The following WWOX variants were observed in gnomAD, a reference collection of about 807,000 sequenced individuals.
WWOX encodes the protein WW domain-containing oxidoreductase.
In WWOX, 69 loss-of-function variants were observed where a neutral mutation model predicts 46.2. The ratio of observed to expected loss-of-function variants is 1.49; its 90% CI spans 1.23 to 1.82. The LOEUF (loss-of-function observed/expected upper bound fraction) is 1.82, where lower values mean the gene tolerates loss of function less well. Among genes scored for constraint, WWOX ranks in the 40% most tolerant of loss-of-function variants. The pLI is 0.00. For synonymous variants in WWOX, 359 were observed against 202.6 expected (o/e 1.77, Z -6.56); for missense variants, 919 against 542.6 (o/e 1.69, Z -6.89).
chr16:78,239,702 T>G (rs1049348446), intron 5 of WWOX, among the ~76,000 whole-genome samples: 1 of 151,932 alleles, frequency 6.6e-6, no homozygotes, highest in African/African-American at 2.4e-5. Context: ...GTCTGGCTAG[T>G]TTTTGTATTT....
chr16:78,312,040 C>T (rs2080255076), intron 5 of WWOX, among the ~76,000 whole-genome samples: 1 of 152,114 alleles, frequency 6.6e-6, no homozygotes, highest in African/African-American at 2.4e-5. Flanking sequence ...GGTCACCTTC[C>T]AGCCAGCAAC....
intron 5 of WWOX, among the ~76,000 whole-genome samples, chr16:78,380,298 G>A (rs572869126): frequency 1.2e-4 from 19 of 152,278 alleles, no homozygotes; most frequent in East Asian, 5.8e-4. Context: ...GAAATCTTGC[G>A]TTGGGCTGAA....
intron 5 of WWOX, among the ~76,000 whole-genome samples, chr16:78,177,165 C>G (rs1351020461): frequency 6.6e-6 from 1 of 152,132 alleles, no homozygotes; most frequent in Non-Finnish European, 1.5e-5. Context: ...TATAAAAGGG[C>G]GGGTACACAT....
chr16:78,585,275 C>T (rs992253532), intron 8 of WWOX, among the ~76,000 whole-genome samples: 3 of 152,190 alleles, frequency 2.0e-5, no homozygotes, highest in Non-Finnish European at 2.9e-5. Flanking sequence ...CAAGAGAAGA[C>T]CAGGCCTTGG....
chr16:79,095,117 C>T (rs762841462), intron 8 of WWOX, among the ~76,000 whole-genome samples: 3 of 152,184 alleles, frequency 2.0e-5, no homozygotes, highest in Non-Finnish European at 4.4e-5. Flanking sequence ...AAGGAGGCTT[C>T]TCTAAAAGGC....
intron 8 of WWOX, among the ~76,000 whole-genome samples, chr16:78,783,808 A>G (rs1413825854): frequency 6.6e-6 from 1 of 150,746 alleles, no homozygotes; most frequent in Non-Finnish European, 1.5e-5. Flanking sequence ...GGTGATGGTG[A>G]TGATGATGGT....
At chr16:78,822,582 A>T (rs1459633054) in intron 8 of WWOX, among the ~76,000 whole-genome samples, 1 of 152,208 alleles carries the variant, frequency 6.6e-6, no homozygotes, top group African/African-American at 2.4e-5. Context: ...TATTTTATAA[A>T]TAAAGTCTTC....
chr16:78,516,384 A>G (rs940122707), intron 8 of WWOX, among the ~76,000 whole-genome samples: 3 of 152,192 alleles, frequency 2.0e-5, no homozygotes, highest in Non-Finnish European at 2.9e-5. Flanking sequence ...CACTTCTTCT[A>G]ATAGTTGTGT....
intron 8 of WWOX, among the ~76,000 whole-genome samples, chr16:78,778,980 T>C (rs1166203400): frequency 6.6e-6 from 1 of 152,188 alleles, no homozygotes; most frequent in Admixed American, 6.5e-5. Context: ...ATGCTGCTTC[T>C]GATCTCCATC....
chr16:78,481,622 T>G (rs986084983), intron 8 of WWOX, among the ~76,000 whole-genome samples: 1 of 140,850 alleles, frequency 7.1e-6, no homozygotes, highest in Non-Finnish European at 1.5e-5. Context: ...CTGAGCCTAG[T>G]TGATGGAATT....
intron 8 of WWOX, among the ~76,000 whole-genome samples, chr16:78,973,366 A>G (rs2046509524): frequency 6.6e-6 from 1 of 152,192 alleles, no homozygotes. Flanking sequence ...GGAGAAAAAT[A>G]GAACTGTTCT....
At chr16:78,589,789 C>G (rs11648655) in intron 8 of WWOX, among the ~76,000 whole-genome samples, 7,700 of 152,224 alleles carry the variant, frequency 0.051, 364 homozygotes, top group East Asian at 0.19. Flanking sequence ...TCTCTGCTGG[C>G]TTTTTCCCCC....
chr16:79,074,607 C>G (rs2048619775), intron 8 of WWOX, among the ~76,000 whole-genome samples: 1 of 151,432 alleles, frequency 6.6e-6, no homozygotes. Context: ...CCTTTATAAG[C>G]TAGGAATACT....
chr16:78,709,815 G>C (rs923821482), intron 8 of WWOX, among the ~76,000 whole-genome samples: 2 of 150,280 alleles, frequency 1.3e-5, no homozygotes, highest in African/African-American at 4.9e-5. Context: ...TGCAACCTCC[G>C]TCTTCTGGGT....
chr16:79,053,597 A>T (rs1232232947), intron 8 of WWOX, among the ~76,000 whole-genome samples: 1 of 152,220 alleles, frequency 6.6e-6, no homozygotes, highest in African/African-American at 2.4e-5. Context: ...AGATATGAAT[A>T]TTAATCTAAT....
In WWOX at chr16:78,337,202, C is replaced by G. The variant is rs568429943; in HGVS notation, c.517-49658C>G. On this transcript the variant is annotated intron_variant, in intron 5 of 8. Coordinates refer to ENST00000566780, the MANE Select transcript of WWOX (RefSeq NM_016373.4). ...AACCTGTGTAAGACTGTGTTATTAG[C>G]AAATCCCTCAATGTGTTGACCAAGA... Among the ~76,000 whole-genome samples the G allele has an allele frequency of 3.3e-5, 5 of 152,294 alleles. No individual in the cohort carries two copies. In the South Asian group the frequency reaches 8.3e-4, roughly 25 times the overall value.
At chr16:78,383,713 G>C (rs576843089) in intron 5 of WWOX, among the ~76,000 whole-genome samples, 1 of 152,098 alleles carries the variant, frequency 6.6e-6, no homozygotes, top group African/African-American at 2.4e-5. Flanking sequence ...TCCATCCCCT[G>C]GACTTACTGT....
At chr16:78,428,610 A>G (rs544682363) in intron 7 of WWOX, among the ~76,000 whole-genome samples, 6 of 152,232 alleles carry the variant, frequency 3.9e-5, no homozygotes, top group African/African-American at 1.4e-4. Flanking sequence ...GATCAAGAAG[A>G]AATGACTTTC....
intron 8 of WWOX, among the ~76,000 whole-genome samples, chr16:78,577,457 C>A (rs193000110): frequency 2.2e-4 from 34 of 152,270 alleles, no homozygotes; most frequent in African/African-American, 7.5e-4. Context: ...AGCTGGCTCA[C>A]CTTTCATGCA....
Sources: gnomAD v4.1 joint callset for allele counts (sites outside exome capture counted in the v4.1 genomes callset) on GRCh38, gnomAD v4.1.1 for gene constraint, MANE v1.5 for transcripts, NCBI Gene and HGNC (gene_info 2026-07-23, HGNC 2026-07-21) for gene names.